Variants in MYT1L observed in about 807,000 individuals in gnomAD.
The protein encoded by MYT1L is myelin transcription factor 1 like, also known as myelin transcription factor 1-like protein.
A neutral mutation model predicts 126.7 loss-of-function variants in MYT1L; 12 were observed. The ratio of observed to expected loss-of-function variants is 0.09; its 90% CI spans 0.06 to 0.15. The LOEUF is 0.15. Ranked by LOEUF, MYT1L falls within the 10% of genes least tolerant of loss-of-function variation. The pLI, the probability that MYT1L is intolerant of heterozygous loss-of-function variation, is 1.00. For missense variants in MYT1L, 979 were observed against 1,585.2 expected (o/e 0.62, Z 6.49); for synonymous variants, 541 against 604.2 (o/e 0.90, Z 1.53).
intron 18 of MYT1L, among the ~76,000 whole-genome samples, chr2:1,862,421 G>T (rs13426184): frequency 0.057 from 8,715 of 152,156 alleles, 315 homozygotes; most frequent in Non-Finnish European, 0.072. Flanking sequence ...TCTTCTTGCC[G>T]GTTCCCTTGT....
chr2:1,832,297 T>A (rs2040299247), intron 21 of MYT1L, among the ~76,000 whole-genome samples: 1 of 152,114 alleles, frequency 6.6e-6, no homozygotes, highest in African/African-American at 2.4e-5. Context: ...AGAAACCAGA[T>A]CAGCTGGAAC....
At chr2:1,804,063 C>T (rs1250599404) in intron 22 of MYT1L, among the ~76,000 whole-genome samples, 1 of 152,134 alleles carries the variant, frequency 6.6e-6, no homozygotes, top group Non-Finnish European at 1.5e-5. Flanking sequence ...GTTGCTGGGG[C>T]CTCTGAGCTG....
At chr2:1,799,833 G>A (rs7560311) in intron 23 of MYT1L, among the ~76,000 whole-genome samples, 78,173 of 152,016 alleles carry the variant, frequency 0.51, 20,316 homozygotes, top group Middle Eastern at 0.62. Context: ...TCATGGGGGC[G>A]TTCCCCCATG....
chr2:1,900,613 ATC>A (rs2050216451), intron 14 of MYT1L, among the ~76,000 whole-genome samples: 2 of 152,158 alleles, frequency 1.3e-5, no homozygotes, highest in South Asian at 4.1e-4. Flanking sequence ...GGCTTTTAAA[ATC>A]TGTCAGATGA....
chr2:1,951,783 G>C (rs1016441337), intron 8 of MYT1L, among the ~76,000 whole-genome samples: 4 of 152,154 alleles, frequency 2.6e-5, no homozygotes, highest in Non-Finnish European at 5.9e-5. Context: ...CCAAATCTGA[G>C]TTCTCCTTTT....
intron 1 of MYT1L, among the ~76,000 whole-genome samples, chr2:2,318,070 C>G (rs1023956515): frequency 6.6e-6 from 1 of 152,210 alleles, no homozygotes; most frequent in Non-Finnish European, 1.5e-5. Flanking sequence ...ACTGCCCAAT[C>G]AGCAAGCCTC....
intron 11 of MYT1L, among the ~76,000 whole-genome samples, chr2:1,915,127 G>A (rs1573534396): frequency 6.6e-6 from 1 of 152,198 alleles, no homozygotes; most frequent in East Asian, 1.9e-4. Context: ...CGTGTCCTCA[G>A]TGGTCCTGAC....
intron 21 of MYT1L, among the ~76,000 whole-genome samples, chr2:1,837,038 G>A (rs973305977): frequency 3.9e-5 from 6 of 152,206 alleles, no homozygotes; most frequent in African/African-American, 7.2e-5. Context: ...GGGAAGGGGC[G>A]TCATGGGGCG....
Position 1,793,408 on chromosome 2 carries a change from A to T in MYT1L, c.3277-944T>A, listed in dbSNP as rs1385844009. On this transcript the variant is annotated intron_variant, in intron 23 of 24. Transcript: ENST00000647738. The surrounding 1 kb of genome is among the most constrained non-coding windows in gnomAD (Gnocchi z 4.6). The stretch of plus-strand genomic sequence containing the variant: ...TGCATGATCTGGGGCTTCTTCCTGG[A>T]AGACCGGGCCGACCCGCAGAGTCCA... Among the ~76,000 whole-genome samples the T allele has an allele frequency of 6.6e-6, 1 of 152,096 alleles. No homozygotes were observed. Among genetic ancestry groups the T allele is most frequent in the Non-Finnish European group, 1.5e-5 (1 of 67,996 alleles).
intron 9 of MYT1L, among the ~76,000 whole-genome samples, chr2:1,939,948 A>G (rs967940675): frequency 6.6e-6 from 1 of 152,218 alleles, no homozygotes; most frequent in Non-Finnish European, 1.5e-5. Flanking sequence ...GGAGAAATGC[A>G]TTTGTTTGCC....
rs188230414 is a variant in MYT1L, at chr2:2,143,188, G to A, written c.-304+29684C>T. On this transcript the variant is annotated intron_variant, in intron 3 of 24. Coordinates refer to ENST00000647738, the MANE Select transcript of MYT1L (RefSeq NM_001303052.2). The stretch of plus-strand genomic sequence containing the variant: ...GCCTGTAGTCCCAGCTACTCGGGAG[G>A]CTGAGGCAGGAGAATGGCGTGAACT... Among the ~76,000 whole-genome samples the A allele has an allele frequency of 6.0e-3, 915 of 151,602 alleles. 12 individuals carry two copies. Among genetic ancestry groups the A allele is most frequent in the African/African-American group, 0.021 (882 of 41,394 alleles).
chr2:2,257,295 G>T (rs1477314145), intron 2 of MYT1L, among the ~76,000 whole-genome samples: 1 of 152,168 alleles, frequency 6.6e-6, no homozygotes, highest in African/African-American at 2.4e-5. Context: ...TGAACTTGGG[G>T]CTCATATTGG....
chr2:2,265,486 C>A (rs985441009), intron 2 of MYT1L, among the ~76,000 whole-genome samples: 3 of 152,082 alleles, frequency 2.0e-5, no homozygotes, highest in African/African-American at 7.2e-5. Flanking sequence ...CAAAGAGCTG[C>A]AGCCAGTGGC....
At chr2:1,990,127 A>G (rs566835949) in intron 5 of MYT1L, among the ~76,000 whole-genome samples, 1 of 152,370 alleles carries the variant, frequency 6.6e-6, no homozygotes, top group Admixed American at 6.5e-5. Flanking sequence ...CTGTAAAATC[A>G]GTGTCTTGCA....
chr2:2,263,138 T>C (rs1253126361), intron 2 of MYT1L, among the ~76,000 whole-genome samples: 1 of 151,672 alleles, frequency 6.6e-6, no homozygotes, highest in African/African-American at 2.4e-5. Context: ...TAGTCATATT[T>C]AATTCTTCCC....
rs2094057678 is a variant in MYT1L, at chr2:2,228,027, T to C, written c.-420-55039A>G. 6.6e-6 allele frequency among the ~76,000 whole-genome samples: 1 copy of C among 152,220 alleles called. No individual in the cohort carries two copies. On this transcript the variant is annotated intron_variant, in intron 2 of 24. Coordinates refer to ENST00000647738, the MANE Select transcript of MYT1L (RefSeq NM_001303052.2). This position sits in a 1 kb window ranked among gnomAD's most constrained non-coding sequence, Gnocchi z 5.9. ...TAGATACTCACAGACATTAACTAAA[T>C]TGCCCAATGTCAAGTAGCTCATAAC...
At chr2:2,216,705 G>A (rs941789069) in intron 2 of MYT1L, among the ~76,000 whole-genome samples, 2 of 151,984 alleles carry the variant, frequency 1.3e-5, no homozygotes, top group African/African-American at 4.8e-5. Flanking sequence ...AAACAATAGA[G>A]AAAAATCAAC....
intron 1 of MYT1L, among the ~76,000 whole-genome samples, chr2:2,286,391 T>C (rs1282782659): frequency 2.0e-5 from 3 of 152,206 alleles, no homozygotes; most frequent in Admixed American, 6.5e-5. Context: ...CAGGACAATG[T>C]CATTCATTAC....
intron 1 of MYT1L, among the ~76,000 whole-genome samples, chr2:2,328,287 G>A (rs536582961): frequency 8.3e-4 from 126 of 152,164 alleles, no homozygotes; most frequent in Admixed American, 2.4e-3. Flanking sequence ...ATATTCAAGA[G>A]TAAGGTACAA....
Sources: allele counts gnomAD v4.1 joint callset (sites outside exome capture counted in the v4.1 genomes callset), GRCh38; gene constraint gnomAD v4.1.1; non-coding constraint Gnocchi (gnomAD v3.1); transcripts MANE v1.5; gene names NCBI Gene and HGNC (gene_info 2026-07-23, HGNC 2026-07-21).